Variants in QTMAN observed in about 807,000 individuals in gnomAD.
QTMAN encodes the protein queuosine-tRNA mannosyltransferase, also known as tRNA-queuosine alpha-mannosyltransferase.
chr2:144,258,210 T>A, the QTMAN span, among the ~76,000 whole-genome samples: 1 of 141,440 alleles, frequency 7.1e-6, no homozygotes, highest in Non-Finnish European at 1.5e-5. Context: ...AATACATACT[T>A]AACATTCTTG....
At chr2:143,993,612 A>C in the QTMAN span, among the ~76,000 whole-genome samples, 17 of 152,178 alleles carry the variant, frequency 1.1e-4, no homozygotes, top group African/African-American at 4.1e-4. Flanking sequence ...CTGCAGATTG[A>C]TTGGTGGCAG....
chr2:144,091,310 T>C, the QTMAN span, among the ~76,000 whole-genome samples: 2 of 152,144 alleles, frequency 1.3e-5, no homozygotes, highest in Non-Finnish European at 2.9e-5. Flanking sequence ...AATCTAAATG[T>C]AAAACATCTA....
the QTMAN span, among the ~76,000 whole-genome samples, chr2:144,115,779 T>C: frequency 6.6e-6 from 1 of 152,214 alleles, no homozygotes; most frequent in Non-Finnish European, 1.5e-5. Flanking sequence ...GTGGCTATCA[T>C]GTCTTTCTCC....
At chr2:144,059,122 A>G in the QTMAN span, among the ~76,000 whole-genome samples, 1 of 152,196 alleles carries the variant, frequency 6.6e-6, no homozygotes, top group East Asian at 1.9e-4. Flanking sequence ...CTGCTCATCC[A>G]GCCTCATCTC....
At chr2:144,184,993 A>C in the QTMAN span, among the ~76,000 whole-genome samples, 1 of 152,184 alleles carries the variant, frequency 6.6e-6, no homozygotes, top group African/African-American at 2.4e-5. Context: ...AAAAGGTGCT[A>C]TTACCAAACT....
chr2:144,206,515 A>G, the QTMAN span, among the ~76,000 whole-genome samples: 1 of 152,224 alleles, frequency 6.6e-6, no homozygotes, highest in East Asian at 1.9e-4. Context: ...TTGCTCAAAT[A>G]TAAGTTAAAC....
the QTMAN span, among the ~76,000 whole-genome samples, chr2:144,133,483 TAA>T: frequency 2.6e-4 from 19 of 74,026 alleles, no homozygotes; most frequent in Non-Finnish European, 3.1e-4. Context: ...ATATAATATA[TAA>T]AATATATATT....
the QTMAN span, among the ~76,000 whole-genome samples, chr2:144,166,427 C>T: frequency 7.9e-5 from 12 of 152,198 alleles, no homozygotes; most frequent in African/African-American, 2.9e-4. Context: ...ACTTATTGTC[C>T]ATTTTCAATT....
the QTMAN span, among the ~76,000 whole-genome samples, chr2:144,265,487 G>C: frequency 6.6e-6 from 1 of 152,114 alleles, no homozygotes; most frequent in Non-Finnish European, 1.5e-5. Flanking sequence ...CACGAGGTCA[G>C]GAGATTGAGA....
chr2:144,020,625 C>A, the QTMAN span, among the ~76,000 whole-genome samples: 1 of 152,146 alleles, frequency 6.6e-6, no homozygotes. Flanking sequence ...TGGGGTCAGA[C>A]CCCCACAGTC....
the QTMAN span, among the ~76,000 whole-genome samples, chr2:144,254,568 G>C: frequency 1.3e-5 from 2 of 152,222 alleles, 1 homozygote; most frequent in Admixed American, 1.3e-4. Flanking sequence ...TGCTTTGGCA[G>C]TGGGGAAGAG....
the QTMAN span, among the ~76,000 whole-genome samples, chr2:144,031,546 A>G: frequency 6.6e-6 from 1 of 152,142 alleles, no homozygotes; most frequent in Non-Finnish European, 1.5e-5. Flanking sequence ...ACTCAGATAC[A>G]ATCATAAAAC....
the QTMAN span, among the ~76,000 whole-genome samples, chr2:144,086,687 A>G: frequency 6.6e-6 from 1 of 152,210 alleles, no homozygotes; most frequent in Non-Finnish European, 1.5e-5. Context: ...AGTCAGCTGG[A>G]TAAAATAGGA....
the QTMAN span, among the ~76,000 whole-genome samples, chr2:144,300,452 C>T: frequency 6.6e-6 from 1 of 152,124 alleles, no homozygotes; most frequent in African/African-American, 2.4e-5. Flanking sequence ...ACACATAAAA[C>T]TAGTATTAAA....
At chr2:144,268,384 C>A in the QTMAN span, among the ~76,000 whole-genome samples, 1 of 152,132 alleles carries the variant, frequency 6.6e-6, no homozygotes, top group Non-Finnish European at 1.5e-5. Context: ...TAGCAATGCA[C>A]AATAGACTAA....
At chr2:144,092,399 T>C in the QTMAN span, among the ~76,000 whole-genome samples, 22 of 152,138 alleles carry the variant, frequency 1.4e-4, no homozygotes, top group East Asian at 4.3e-3. Flanking sequence ...ATGGTCTTGA[T>C]CTCCTGACCT....
chr2:143,972,260 T>C, the QTMAN span, among the ~76,000 whole-genome samples: 7 of 152,296 alleles, frequency 4.6e-5, no homozygotes, highest in East Asian at 1.3e-3. Context: ...CTATACAATG[T>C]TCTTTTAGTC....
the QTMAN span, among the ~76,000 whole-genome samples, chr2:144,285,002 A>AG: frequency 0.15 from 21,636 of 146,544 alleles, 2,462 homozygotes; most frequent in African/African-American, 0.33. Context: ...GATACTCAGG[A>AG]GCTGAGGTGG....
the QTMAN span, among the ~76,000 whole-genome samples, chr2:143,973,477 T>C: frequency 6.6e-6 from 1 of 152,102 alleles, no homozygotes; most frequent in African/African-American, 2.4e-5. Context: ...TTGAAAAAAT[T>C]TGGGGTTTTC....
Sources: allele counts gnomAD v4.1 joint callset (sites outside exome capture counted in the v4.1 genomes callset), GRCh38; gene constraint gnomAD v4.1.1; transcripts MANE v1.5; gene names NCBI Gene and HGNC (gene_info 2026-07-23, HGNC 2026-07-21).